Variants in PCDH20 observed in about 807,000 individuals in gnomAD.
PCDH20 encodes the protein protocadherin 20.
PCDH20 carries 18 observed loss-of-function variants against 39.7 expected under a neutral mutation model. The observed-to-expected ratio is 0.45, with a 90% confidence interval of 0.31 to 0.67. PCDH20 has a LOEUF of 0.67. PCDH20 is among the 30% of genes least tolerant of loss of function. The probability of loss-of-function intolerance (pLI) is 0.05; values close to 1 mark genes in which losing one functional copy is unlikely to be tolerated. For synonymous variants in PCDH20, 495 were observed against 455.4 expected, an observed-to-expected ratio of 1.09 and a Z score of -1.11; for missense variants, 1,161 against 1,167.4, an observed-to-expected ratio of 0.99 and a Z score of 0.08.
exon 2 of PCDH20, chr13:61,413,549 C>G: frequency 6.2e-7 from 1 of 1,614,080 alleles, no homozygotes. Flanking sequence ...TGAGGCAGGA[C>G]AAGCACATCC....
At chr13:61,412,695 G>A (rs886764547) in exon 2 of PCDH20, 8 of 1,614,022 alleles carry the variant, frequency 5.0e-6, no homozygotes, top group Admixed American at 1.7e-5. Context: ...CACCATCCAG[G>A]TAGCAGTTAA....
chr13:61,414,022 A>G, intron 1 of PCDH20, 56 bp from the exon 2 acceptor site: 1 of 1,435,010 alleles, frequency 7.0e-7, no homozygotes, highest in Non-Finnish European at 9.4e-7. Context: ...TAGGGGTCCG[A>G]GAGAGAAACT....
At chr13:61,411,709 A>G in exon 2 of PCDH20, 4 of 1,614,168 alleles carry the variant, frequency 2.5e-6, no homozygotes, top group Non-Finnish European at 3.4e-6. Flanking sequence ...TTTAGGGTCA[A>G]TCCTGAAGGA....
chr13:61,412,310 G>A lies in PCDH20; in HGVS notation c.1789C>T (p.Leu597=), dbSNP rs878906311. Reference sequence around the variant, plus strand: ...TACTTTTCTTTCTCTTCTCGGTCCAGCTGAGTAGAAACTGTCAGAATTCCT... The same window carrying A: ...TACTTTTCTTTCTCTTCTCGGTCCAACTGAGTAGAAACTGTCAGAATTCCT... Residue 597 remains leucine (L), a synonymous_variant, in exon 2 of 2, where the codon CTG becomes TTG. Coordinates refer to ENST00000409204, the Ensembl canonical transcript of PCDH20. 2.5e-6 allele frequency: 4 copies of A among 1,613,898 alleles called. No individual in the cohort carries two copies. The Admixed American group carries it at 6.7e-5, about 27-fold the overall frequency.
At chr13:61,410,896 G>C (rs988961713) in exon 2 of PCDH20, 7 of 169,714 alleles carry the variant, frequency 4.1e-5, no homozygotes, top group African/African-American at 1.4e-4. Context: ...GCCCTCTTGT[G>C]GTGACAGGAA....
In PCDH20 at chr13:61,413,942, C is replaced by G. The variant is rs757076823; in HGVS notation, c.157G>C (p.Val53Leu). The change falls in exon 2 of 2, where the codon GTG (valine) becomes CTG (leucine). Residue 53 changes from valine (V) to leucine (L), a missense_variant. Val to Leu is a conservative substitution (Grantham distance 32). Transcript: ENST00000409204. ...CTCCCGAGGCAGCTGAAGGGTCCCA[C>G]GAAGAGGAAAAACAGAAACAGATGC... 22 of 1,609,050 alleles carry G rather than the reference C, an allele frequency of 1.4e-5. No individual in the cohort carries two copies. In the South Asian group the frequency reaches 2.3e-4, roughly 17 times the overall value.
chr13:61,411,480 T>C (rs1878244939), exon 2 of PCDH20: 2 of 1,613,696 alleles, frequency 1.2e-6, no homozygotes, highest in South Asian at 2.2e-5. Flanking sequence ...TCGGTTCTAT[T>C]GAGATTTGTG....
Position 61,412,247 on chromosome 13 carries a change from GTGGCT to G in PCDH20, c.1847_1851del (p.Lys616ThrfsTer15). 1 of 1,614,106 alleles carries G rather than the reference GTGGCT, an allele frequency of 6.2e-7. No individual in the cohort carries two copies. Among genetic ancestry groups the G allele is most frequent in the Non-Finnish European group, 8.5e-7 (1 of 1,180,016 alleles). The stretch of plus-strand genomic sequence containing the variant: ...GCCACAGTGGCTACTGATTCTCTGG[GTGGCT>G]TCCCACAGTCAACAGCTCTGACAGT... On this transcript the variant is annotated frameshift_variant, in exon 2 of 2. Transcript: ENST00000409204. LOFTEE classifies it low-confidence loss of function (END_TRUNC).
chr13:61,415,226 T>C lies in PCDH20; in HGVS notation c.-68A>G. ...GCAGAAGACACTCCCTCTCGGTTCATGCAAATCGCTGGGGGAACTTCAGCC... is the reference window on the plus strand; with the variant it reads ...GCAGAAGACACTCCCTCTCGGTTCACGCAAATCGCTGGGGGAACTTCAGCC... On this transcript the variant is annotated 5_prime_UTR_variant, in exon 1 of 2. An upstream start codon of the reference 5' UTR is lost. Transcript: ENST00000409204. 2 of 1,292,108 alleles carry C rather than the reference T, an allele frequency of 1.5e-6. No individual in the cohort carries two copies. The highest frequency in any genetic ancestry group is 2.3e-5 in the South Asian group (1 of 44,394). The allele number at this position is 1,292,108 out of a possible 1,614,324, so 80.0% of individuals were successfully genotyped here.
chr13:61,413,168 T>A, exon 2 of PCDH20: 2 of 1,614,156 alleles, frequency 1.2e-6, no homozygotes, highest in Non-Finnish European at 1.7e-6. Context: ...TTAATGTCAC[T>A]GATGCCAATG....
At position 61,412,469 on chromosome 13, in the gene PCDH20, T is replaced by G. The variant is rs749552711; in HGVS notation, c.1630A>C (p.Ile544Leu). Residue 544 changes from isoleucine (I) to leucine (L), a missense_variant, in exon 2 of 2, where the codon ATC becomes CTC. By Grantham distance (5) the Ile-to-Leu change is conservative (BLOSUM62 2). This residue lies in a region of PCDH20 where 754 missense variants were observed against 777.5 expected (regional missense o/e 0.97). Transcript: ENST00000409204. Reference sequence around the variant, plus strand: ...GCATTGGGTGAGTTGTTCTCTTCGATGGTTAGTTCTATTAAGGGTTGAAGG... The same window carrying G: ...GCATTGGGTGAGTTGTTCTCTTCGAGGGTTAGTTCTATTAAGGGTTGAAGG... 4.3e-6 allele frequency: 7 copies of G among 1,614,190 alleles called. No individual in the cohort carries two copies. In the East Asian group the frequency reaches 1.3e-4, roughly 31 times the overall value.
At chr13:61,412,911 G>A in exon 2 of PCDH20, 1 of 1,614,134 alleles carries the variant, frequency 6.2e-7, no homozygotes, top group Non-Finnish European at 8.5e-7. Flanking sequence ...CAAGGATGGT[G>A]AGCTTGTGGG....
At chr13:61,413,966 G>T in exon 2 of PCDH20, 3 of 1,603,862 alleles carry the variant, frequency 1.9e-6, no homozygotes, top group Non-Finnish European at 2.6e-6. Context: ...AGAAACAGAT[G>T]CTGGAGTTGG....
chr13:61,413,471 G>A, exon 2 of PCDH20: 2 of 1,613,952 alleles, frequency 1.2e-6, no homozygotes, highest in East Asian at 2.2e-5. Context: ...TGGGAAACAG[G>A]GAACTGCGGG....
At chr13:61,410,496 A>G (rs1458516037) in exon 2 of PCDH20, 1 of 152,462 alleles carries the variant, frequency 6.6e-6, no homozygotes, top group African/African-American at 2.4e-5. Context: ...AAGAATATAT[A>G]TATGTATGTA....
exon 2 of PCDH20, chr13:61,411,759 T>G: frequency 6.2e-7 from 1 of 1,614,186 alleles, no homozygotes; most frequent in Non-Finnish European, 8.5e-7. Context: ...TGCTGTAAGC[T>G]ATGACAGCAT....
At chr13:61,411,416 C>A in exon 2 of PCDH20, 1 of 1,614,086 alleles carries the variant, frequency 6.2e-7, no homozygotes, top group Non-Finnish European at 8.5e-7. Context: ...AAGCTTATTA[C>A]AGACAGAGCT....
chr13:61,412,012 G>A (rs1566222308), exon 2 of PCDH20: 2 of 1,614,080 alleles, frequency 1.2e-6, no homozygotes. Flanking sequence ...AGAGACTTTA[G>A]CCCTCAGCAT....
At chr13:61,414,983 T>A in intron 1 of PCDH20, 44 bp downstream of exon 1, 1 of 1,373,188 alleles carries the variant, frequency 7.3e-7, no homozygotes, top group Non-Finnish European at 9.5e-7. Flanking sequence ...TTCACAATAC[T>A]GCAACTTGTC....
Sources: gnomAD v4.1 joint callset for allele counts on GRCh38, gnomAD v4.1.1 for gene constraint, gnomAD v4.1.1 regional missense constraint, MANE v1.5 for transcripts, NCBI Gene and HGNC (gene_info 2026-07-23, HGNC 2026-07-21) for gene names.